Variants in PCCA observed in about 807,000 individuals in gnomAD.
The protein encoded by PCCA is propionyl-CoA carboxylase subunit alpha, also known as propionyl-CoA carboxylase alpha chain, mitochondrial.
In PCCA, 74 loss-of-function variants were observed where a neutral mutation model predicts 101.3. The observed-to-expected ratio is 0.73, with a 90% confidence interval of 0.61 to 0.89. PCCA has a LOEUF of 0.89. PCCA is among the 40% of genes least tolerant of loss of function. PCCA has a pLI of 0.00. For missense variants in PCCA, 891 were observed against 907.0 expected (o/e 0.98, Z 0.23); for synonymous variants, 294 against 313.6 (o/e 0.94, Z 0.66).
chr13:100,138,454 A>G (rs1443366448), intron 4 of PCCA, among the ~76,000 whole-genome samples: 2 of 152,102 alleles, frequency 1.3e-5, no homozygotes, highest in South Asian at 2.1e-4. Context: ...CCATCAGACA[A>G]TGTTAAAATT....
At chr13:100,510,835 A>C (rs1343685478) in intron 21 of PCCA, among the ~76,000 whole-genome samples, 5 of 152,252 alleles carry the variant, frequency 3.3e-5, no homozygotes, top group Non-Finnish European at 7.3e-5. Flanking sequence ...CATTATGCTA[A>C]CAGGCTGCTC....
At chr13:100,414,085 T>C (rs1284111073) in intron 19 of PCCA, among the ~76,000 whole-genome samples, 1 of 152,240 alleles carries the variant, frequency 6.6e-6, no homozygotes, top group Non-Finnish European at 1.5e-5. Flanking sequence ...TACCTAAAAT[T>C]TGTTTTTGCA....
intron 18 of PCCA, among the ~76,000 whole-genome samples, chr13:100,349,940 G>A (rs1175550941): frequency 6.6e-6 from 1 of 152,168 alleles, no homozygotes; most frequent in East Asian, 1.9e-4. Flanking sequence ...ATGGAGAATC[G>A]ATTTTTTAGT....
intron 16 of PCCA, among the ~76,000 whole-genome samples, chr13:100,310,147 A>G (rs1161139902): frequency 6.6e-6 from 1 of 152,236 alleles, no homozygotes; most frequent in Non-Finnish European, 1.5e-5. Context: ...TATAACCAGT[A>G]CACATTGGTT....
intron 16 of PCCA, among the ~76,000 whole-genome samples, chr13:100,312,572 A>C (rs4772281): frequency 0.17 from 26,477 of 152,204 alleles, 3,672 homozygotes; most frequent in African/African-American, 0.38. Context: ...CCAGCTATTC[A>C]TCTTTTGTGA....
intron 16 of PCCA, among the ~76,000 whole-genome samples, chr13:100,326,987 A>G (rs1043168248): frequency 1.3e-5 from 2 of 152,098 alleles, no homozygotes; most frequent in Non-Finnish European, 1.5e-5. Context: ...TTCAGTCATC[A>G]CCTGTGCTTT....
intron 4 of PCCA, among the ~76,000 whole-genome samples, chr13:100,121,490 C>G (rs1462006259): frequency 1.6e-5 from 2 of 121,698 alleles, no homozygotes; most frequent in South Asian, 5.3e-4. Flanking sequence ...TTTTTTCTCT[C>G]TTGAGACCGA....
chr13:100,264,751 A>C (rs1467463997), intron 10 of PCCA, among the ~76,000 whole-genome samples: 1 of 152,126 alleles, frequency 6.6e-6, no homozygotes, highest in African/African-American at 2.4e-5. Flanking sequence ...TTACATAGTA[A>C]GGTTATTTTT....
At chr13:100,146,852 T>TGGCCGGGTGCG (rs2052632413) in intron 4 of PCCA, among the ~76,000 whole-genome samples, 1 of 150,838 alleles carries the variant, frequency 6.6e-6, no homozygotes, top group African/African-American at 2.5e-5. Context: ...GAAATATACA[T>TGGCCGGGTGCG]ATGTATGCAG....
rs141920197 is a variant in PCCA at position 100,222,418 on chromosome 13, T to C, written c.600+12955T>C. On this transcript the variant is annotated intron_variant, in intron 7 of 23. Coordinates refer to ENST00000376285, the MANE Select transcript of PCCA (RefSeq NM_000282.4). ...ACTAGTTTTATTTTTAGTTTGTTTT[T>C]ATTTCTGATACAAGAGGCTGTACAT... Among the ~76,000 whole-genome samples, 337 of 152,322 alleles carry C rather than the reference T, an allele frequency of 2.2e-3. 1 individual carries two copies. The highest frequency in any genetic ancestry group is 7.8e-3 in the African/African-American group (324 of 41,566).
At chr13:100,190,518 A>G (rs1020606528) in intron 6 of PCCA, among the ~76,000 whole-genome samples, 2 of 152,102 alleles carry the variant, frequency 1.3e-5, no homozygotes, top group African/African-American at 4.8e-5. Context: ...CCCTGTCTCT[A>G]CTAAAAATTA....
chr13:100,365,836 A>G (rs2075109359), intron 18 of PCCA, among the ~76,000 whole-genome samples: 1 of 151,788 alleles, frequency 6.6e-6, no homozygotes, highest in South Asian at 2.1e-4. Flanking sequence ...TTATACATAC[A>G]TAAGGAAACT....
At chr13:100,400,630 C>CTTTTTTTTTTTTT (rs1281449669) in intron 19 of PCCA, among the ~76,000 whole-genome samples, 1,708 of 90,244 alleles carry the variant, frequency 0.019, 50 homozygotes, top group Non-Finnish European at 0.028. Flanking sequence ...CTTTTTAGTT[C>CTTTTTTTTTTTTT]TTTTTTTTTT....
chr13:100,363,240 CT>C (rs1445245950), intron 18 of PCCA, among the ~76,000 whole-genome samples: 1 of 152,090 alleles, frequency 6.6e-6, no homozygotes, highest in Non-Finnish European at 1.5e-5. Context: ...TGTTCCTCCC[CT>C]TCCCCAACCC....
chr13:100,411,892 A>G (rs975516313), intron 19 of PCCA, among the ~76,000 whole-genome samples: 2 of 152,200 alleles, frequency 1.3e-5, no homozygotes, highest in African/African-American at 4.8e-5. Context: ...GGCTTTTATC[A>G]TATGAATTTT....
intron 21 of PCCA, among the ~76,000 whole-genome samples, chr13:100,466,964 A>T (rs961478234): frequency 1.3e-5 from 2 of 152,182 alleles, no homozygotes; most frequent in Non-Finnish European, 2.9e-5. Flanking sequence ...GTGACTGTAA[A>T]GTAGGTTGGC....
intron 19 of PCCA, among the ~76,000 whole-genome samples, chr13:100,379,300 C>T (rs1268240044): frequency 6.6e-6 from 1 of 151,976 alleles, no homozygotes; most frequent in Non-Finnish European, 1.5e-5. Flanking sequence ...GCCACATGGG[C>T]CACTCTTTGG....
intron 1 of PCCA, among the ~76,000 whole-genome samples, chr13:100,098,674 G>A (rs1265717331): frequency 6.6e-6 from 1 of 152,178 alleles, no homozygotes; most frequent in East Asian, 1.9e-4. Context: ...ATGGCCTGGC[G>A]GAAGAGTCAA....
chr13:100,196,887 A>G (rs1046031681), intron 6 of PCCA, among the ~76,000 whole-genome samples: 2 of 152,198 alleles, frequency 1.3e-5, no homozygotes, highest in African/African-American at 4.8e-5. Flanking sequence ...TTAATTTACA[A>G]TGAGCTGGTA....
Sources: gnomAD v4.1 joint callset for allele counts (sites outside exome capture counted in the v4.1 genomes callset) on GRCh38, gnomAD v4.1.1 for gene constraint, MANE v1.5 for transcripts, NCBI Gene and HGNC (gene_info 2026-07-23, HGNC 2026-07-21) for gene names.